Variants in SRPK2 observed in about 807,000 individuals in gnomAD.
SRPK2 encodes the protein SFRS protein kinase 2.
In SRPK2, 21 loss-of-function variants were observed where a neutral mutation model predicts 90.8. The ratio of observed to expected loss-of-function variants is 0.23; its 90% CI spans 0.16 to 0.33. The LOEUF (loss-of-function observed/expected upper bound fraction) is 0.33, where lower values mean the gene tolerates loss of function less well. Ranked by LOEUF, SRPK2 falls within the 10% of genes least tolerant of loss-of-function variation. The probability of loss-of-function intolerance (pLI) is 1.00; values close to 1 mark genes in which losing one functional copy is unlikely to be tolerated. For synonymous variants in SRPK2, 288 were observed against 311.1 expected, an observed-to-expected ratio of 0.93 and a Z score of 0.78; for missense variants, 620 against 869.0, an observed-to-expected ratio of 0.71 and a Z score of 3.60.
intron 13 of SRPK2, among the ~76,000 whole-genome samples, chr7:105,130,604 C>T (rs912383806): frequency 6.6e-6 from 1 of 151,744 alleles, no homozygotes; most frequent in Admixed American, 6.6e-5. Context: ...CACCAAGAAC[C>T]ATCTGTGGCC....
chr7:105,263,821 A>G (rs903110187), intron 2 of SRPK2, among the ~76,000 whole-genome samples: 1 of 152,240 alleles, frequency 6.6e-6, no homozygotes, highest in Non-Finnish European at 1.5e-5. Flanking sequence ...TGATCTGGGT[A>G]CTATTCCATA....
intron 3 of SRPK2, among the ~76,000 whole-genome samples, chr7:105,175,065 C>G (rs1018069183): frequency 4.0e-5 from 6 of 151,792 alleles, no homozygotes; most frequent in Non-Finnish European, 7.4e-5. Context: ...TCTCTTGAAC[C>G]CAGGAGGCAG....
At chr7:105,326,193 T>C (rs1448040180) in intron 2 of SRPK2, among the ~76,000 whole-genome samples, 3 of 152,198 alleles carry the variant, frequency 2.0e-5, no homozygotes, top group Admixed American at 2.0e-4. Context: ...TCATCTCCTC[T>C]ACTAAGACCA....
chr7:105,284,262 G>C (rs894225556), intron 2 of SRPK2, among the ~76,000 whole-genome samples: 8 of 152,144 alleles, frequency 5.3e-5, no homozygotes. Flanking sequence ...AGGTCAGAAT[G>C]ACTTTGCCAA....
chr7:105,288,692 C>T (rs984646752), intron 2 of SRPK2, among the ~76,000 whole-genome samples: 1 of 152,110 alleles, frequency 6.6e-6, no homozygotes, highest in Non-Finnish European at 1.5e-5. Flanking sequence ...GTGGAGTATG[C>T]TTACAGAAGA....
At chr7:105,292,170 CTTTA>C (rs1809119679) in intron 2 of SRPK2, among the ~76,000 whole-genome samples, 1 of 152,166 alleles carries the variant, frequency 6.6e-6, no homozygotes, top group Non-Finnish European at 1.5e-5. Context: ...CCTATCTTAA[CTTTA>C]TTTAAGCCAT....
rs1554435876 is a variant in SRPK2, at chr7:105,170,934, G to GGAAAGAAAGAAAGAAAGAAAGAAA, written c.230-1693_230-1670dup. Reference sequence around the variant, plus strand: ...AAGAAAGGAGAAAGAAAAAGAAAAAGGAAAGAAAGAAAGAAAGAAAGAAAG... The same window carrying GGAAAGAAAGAAAGAAAGAAAGAAA: ...AAGAAAGGAGAAAGAAAAAGAAAAAGGAAAGAAAGAAAGAAAGAAAGAAAGAAAGAAAGAAAGAAAGAAAGAAAG... On this transcript the variant is annotated intron_variant, in intron 3 of 15. Coordinates refer to ENST00000393651, the MANE Select transcript of SRPK2 (RefSeq NM_182692.3). 9.3e-4 allele frequency among the ~76,000 whole-genome samples: 27 copies of GGAAAGAAAGAAAGAAAGAAAGAAA among 29,144 alleles called. 2 individuals carry two copies. The highest frequency in any genetic ancestry group is 0.017 in the Middle Eastern group (1 of 60). 19.1% of individuals were successfully genotyped at this position (29,144 alleles called of 152,430 possible).
chr7:105,393,735 C>T (rs1340505392), upstream of SRPK2, among the ~76,000 whole-genome samples: 1 of 151,982 alleles, frequency 6.6e-6, no homozygotes, highest in Non-Finnish European at 1.5e-5. Flanking sequence ...AGCATATTCA[C>T]AGCGTTGTGC....
chr7:105,346,207 T>C (rs1438745477), intron 2 of SRPK2, among the ~76,000 whole-genome samples: 2 of 152,230 alleles, frequency 1.3e-5, no homozygotes, highest in African/African-American at 4.8e-5. Flanking sequence ...AAAAAATTCC[T>C]GGAGGTAAGT....
intron 2 of SRPK2, among the ~76,000 whole-genome samples, chr7:105,342,934 T>C (rs1420772550): frequency 1.3e-5 from 2 of 152,080 alleles, no homozygotes; most frequent in African/African-American, 4.8e-5. Flanking sequence ...AGTACCCAAA[T>C]ACAAATGACA....
At chr7:105,196,202 A>G (rs1382124494) in intron 3 of SRPK2, among the ~76,000 whole-genome samples, 1 of 152,252 alleles carries the variant, frequency 6.6e-6, no homozygotes, top group African/African-American at 2.4e-5. Context: ...GTTCACATAG[A>G]TAGGCAGGGT....
chr7:105,168,297 T>C (rs527851296), intron 4 of SRPK2, among the ~76,000 whole-genome samples: 1 of 152,342 alleles, frequency 6.6e-6, no homozygotes, highest in African/African-American at 2.4e-5. Context: ...AAGATTTGCA[T>C]GTTGCACAAG....
At chr7:105,251,810 T>A (rs1050394589) in intron 2 of SRPK2, among the ~76,000 whole-genome samples, 1 of 152,130 alleles carries the variant, frequency 6.6e-6, no homozygotes, top group Admixed American at 6.5e-5. Flanking sequence ...TGAATCCAAA[T>A]TTGGGGGTTT....
intron 8 of SRPK2, 29 bp from the exon 9 acceptor site, chr7:105,145,337 T>G (rs746103210): frequency 6.4e-7 from 1 of 1,561,140 alleles, no homozygotes; most frequent in Non-Finnish European, 8.7e-7. Flanking sequence ...AAATCTGTAT[T>G]TAGCAGAAAA....
chr7:105,221,367 A>T (rs1214485888), intron 2 of SRPK2, among the ~76,000 whole-genome samples: 1 of 152,216 alleles, frequency 6.6e-6, no homozygotes, highest in Non-Finnish European at 1.5e-5. Context: ...TGTGGCTTTG[A>T]GCGAGTGATA....
At chr7:105,238,818 A>C (rs1800449437) in intron 2 of SRPK2, among the ~76,000 whole-genome samples, 2 of 152,218 alleles carry the variant, frequency 1.3e-5, no homozygotes, top group South Asian at 4.1e-4. Context: ...CACAATGAAG[A>C]AAGTAACATC....
At chr7:105,376,910 C>A (rs1200629324) in intron 2 of SRPK2, among the ~76,000 whole-genome samples, 1 of 143,762 alleles carries the variant, frequency 7.0e-6, no homozygotes, top group Non-Finnish European at 1.5e-5. Flanking sequence ...CACACACACA[C>A]TAAAAAGCTT....
chr7:105,244,161 C>T (rs192848107), intron 2 of SRPK2, among the ~76,000 whole-genome samples: 1 of 152,268 alleles, frequency 6.6e-6, no homozygotes, highest in East Asian at 1.9e-4. Context: ...AGGTGGAGAC[C>T]CCACTGAGTC....
At chr7:105,163,363 T>C (rs1408291326) in intron 6 of SRPK2, among the ~76,000 whole-genome samples, 1 of 152,206 alleles carries the variant, frequency 6.6e-6, no homozygotes, top group East Asian at 1.9e-4. Context: ...AAATCACTGA[T>C]GCTTTATGGT....
Sources: gnomAD v4.1 joint callset for allele counts (sites outside exome capture counted in the v4.1 genomes callset) on GRCh38, gnomAD v4.1.1 for gene constraint, MANE v1.5 for transcripts, NCBI Gene and HGNC (gene_info 2026-07-23, HGNC 2026-07-21) for gene names.